The following GPC5 variants were observed in gnomAD, a reference collection of about 807,000 sequenced individuals.
The protein encoded by GPC5 is glypican-5.
A neutral mutation model predicts 53.9 loss-of-function variants in GPC5; 47 were observed. The observed-to-expected ratio is 0.87, with a 90% confidence interval of 0.69 to 1.11. The LOEUF (loss-of-function observed/expected upper bound fraction) is 1.11, where lower values mean the gene tolerates loss of function less well. Among genes scored for constraint, GPC5 ranks in the 50% most tolerant of loss-of-function variants. The pLI, the probability that GPC5 is intolerant of heterozygous loss-of-function variation, is 0.00. For synonymous variants in GPC5, 286 were observed against 263.3 expected (o/e 1.09, Z -0.84); for missense variants, 748 against 713.1 (o/e 1.05, Z -0.56).
chr13:91,614,640 A>G (rs532567466), intron 2 of GPC5, among the ~76,000 whole-genome samples: 101 of 152,264 alleles, frequency 6.6e-4, no homozygotes, highest in African/African-American at 2.3e-3. Context: ...CAGAGTTTCT[A>G]ATTTCTATAT....
intron 7 of GPC5, among the ~76,000 whole-genome samples, chr13:92,182,777 G>T (rs1016997588): frequency 7.2e-5 from 11 of 152,084 alleles, no homozygotes; most frequent in African/African-American, 2.7e-4. Context: ...GCTGAGGCGG[G>T]AGAATGGCGT....
chr13:91,784,885 C>T (rs957161565), intron 5 of GPC5, among the ~76,000 whole-genome samples: 5 of 152,214 alleles, frequency 3.3e-5, no homozygotes, highest in South Asian at 4.2e-4. Flanking sequence ...ATTCAGAAGT[C>T]GCTTTCACCT....
At chr13:92,529,741 A>G (rs979003804) in intron 7 of GPC5, among the ~76,000 whole-genome samples, 1 of 152,220 alleles carries the variant, frequency 6.6e-6, no homozygotes, top group Non-Finnish European at 1.5e-5. Context: ...AAGAAAAATT[A>G]TGATCACACC....
chr13:92,365,914 C>G (rs2043604074), intron 7 of GPC5, among the ~76,000 whole-genome samples: 1 of 151,498 alleles, frequency 6.6e-6, no homozygotes, highest in Non-Finnish European at 1.5e-5. Context: ...AAGAAAAAAG[C>G]ATGCACTCAA....
At chr13:92,359,016 T>C (rs1002385955) in intron 7 of GPC5, among the ~76,000 whole-genome samples, 1 of 151,866 alleles carries the variant, frequency 6.6e-6, no homozygotes, top group African/African-American at 2.4e-5. Flanking sequence ...TTCTGCCACA[T>C]GGCTAGGCTG....
intron 2 of GPC5, among the ~76,000 whole-genome samples, chr13:91,469,251 G>C (rs1472950654): frequency 6.6e-6 from 1 of 152,004 alleles, no homozygotes. Flanking sequence ...CGGGATTACA[G>C]ACATGCACCA....
intron 5 of GPC5, among the ~76,000 whole-genome samples, chr13:91,829,345 T>C (rs1227395860): frequency 6.6e-6 from 1 of 152,086 alleles, no homozygotes; most frequent in African/African-American, 2.4e-5. Context: ...TATGACAGTA[T>C]GGCAACTAAA....
intron 7 of GPC5, among the ~76,000 whole-genome samples, chr13:92,479,236 A>G (rs1169218154): frequency 2.0e-5 from 3 of 152,182 alleles, no homozygotes; most frequent in African/African-American, 7.2e-5. Context: ...GAAAGGGCCC[A>G]GGGACATACC....
At chr13:92,514,694 A>G (rs1297295080) in intron 7 of GPC5, among the ~76,000 whole-genome samples, 1 of 152,196 alleles carries the variant, frequency 6.6e-6, no homozygotes, top group Non-Finnish European at 1.5e-5. Context: ...TTCAAGAGAA[A>G]TGAGCCAGAT....
intron 7 of GPC5, among the ~76,000 whole-genome samples, chr13:92,693,309 A>G (rs1594424539): frequency 6.6e-6 from 1 of 152,188 alleles, no homozygotes; most frequent in African/African-American, 2.4e-5. Context: ...TGGGTAATGG[A>G]CAGAGGTTGG....
At chr13:92,806,630 G>T (rs1053401725) in intron 7 of GPC5, among the ~76,000 whole-genome samples, 17 of 152,104 alleles carry the variant, frequency 1.1e-4, no homozygotes, top group African/African-American at 4.1e-4. Context: ...TTATTAATTA[G>T]CCTATTTTCA....
At chr13:92,246,397 A>G (rs2042651200) in intron 7 of GPC5, among the ~76,000 whole-genome samples, 1 of 152,108 alleles carries the variant, frequency 6.6e-6, no homozygotes, top group African/African-American at 2.4e-5. Flanking sequence ...GAAATTGTCA[A>G]AATATTTGAT....
intron 7 of GPC5, among the ~76,000 whole-genome samples, chr13:92,822,435 C>T (rs957447245): frequency 6.6e-6 from 1 of 151,910 alleles, no homozygotes; most frequent in Non-Finnish European, 1.5e-5. Flanking sequence ...AAGAGCAGTA[C>T]CTAAGTTGTT....
chr13:92,005,239 T>G (rs1426846524), intron 6 of GPC5, among the ~76,000 whole-genome samples: 1 of 152,216 alleles, frequency 6.6e-6, no homozygotes, highest in Non-Finnish European at 1.5e-5. Context: ...TCAAGAGGAA[T>G]GAAAAGGGAG....
At chr13:92,693,156 C>G (rs984645406) in intron 7 of GPC5, among the ~76,000 whole-genome samples, 1 of 152,066 alleles carries the variant, frequency 6.6e-6, no homozygotes, top group Non-Finnish European at 1.5e-5. Context: ...GACTATGAAC[C>G]AATTAAACCT....
At chr13:92,816,297 G>C (rs573763517) in intron 7 of GPC5, among the ~76,000 whole-genome samples, 4 of 152,184 alleles carry the variant, frequency 2.6e-5, no homozygotes, top group African/African-American at 9.7e-5. Flanking sequence ...CTCTGGGTCT[G>C]TTGGTAACCA....
intron 2 of GPC5, among the ~76,000 whole-genome samples, chr13:91,462,703 T>C (rs1882013172): frequency 6.6e-6 from 1 of 152,024 alleles, no homozygotes; most frequent in African/African-American, 2.4e-5. Context: ...AAATCATACT[T>C]AGGACGGGTG....
At chr13:92,835,913 T>C (rs1292844105) in intron 7 of GPC5, among the ~76,000 whole-genome samples, 3 of 151,988 alleles carry the variant, frequency 2.0e-5, no homozygotes, top group African/African-American at 7.2e-5. Flanking sequence ...GGTAACTAAT[T>C]TTCACTTCCC....
intron 1 of GPC5, among the ~76,000 whole-genome samples, chr13:91,413,009 T>C (rs1473467309): frequency 6.6e-6 from 1 of 152,188 alleles, no homozygotes; most frequent in East Asian, 1.9e-4. Context: ...AGGCCTAGCT[T>C]GGTGGCTCAC....
Sources: allele counts gnomAD v4.1 joint callset (sites outside exome capture counted in the v4.1 genomes callset), GRCh38; gene constraint gnomAD v4.1.1; transcripts MANE v1.5; gene names NCBI Gene and HGNC (gene_info 2026-07-23, HGNC 2026-07-21).